Variants in PPP3CA observed in about 807,000 individuals in gnomAD.
PPP3CA encodes protein phosphatase 3 catalytic subunit alpha, also known as CAM-PRP catalytic subunit.
Under a neutral mutation model 66.5 loss-of-function variants are expected in PPP3CA, and 14 were observed. The observed-to-expected ratio is 0.21, with a 90% CI of 0.14 to 0.33. PPP3CA has a LOEUF of 0.33. Ranked by LOEUF, PPP3CA falls within the 10% of genes least tolerant of loss-of-function variation. The pLI, the probability that PPP3CA is intolerant of heterozygous loss-of-function variation, is 1.00. For synonymous variants in PPP3CA, 232 were observed against 226.2 expected (o/e 1.03, Z -0.23); for missense variants, 317 against 639.5 (o/e 0.50, Z 5.44).
At chr4:101,059,348 C>T (rs1728360886) in intron 10 of PPP3CA, among the ~76,000 whole-genome samples, 1 of 152,032 alleles carries the variant, frequency 6.6e-6, no homozygotes, top group Non-Finnish European at 1.5e-5. Context: ...CCATTTTCCC[C>T]TTTCCTTCCC....
intron 1 of PPP3CA, among the ~76,000 whole-genome samples, chr4:101,342,293 T>C (rs1283258631): frequency 6.6e-6 from 1 of 152,186 alleles, no homozygotes; most frequent in Admixed American, 6.5e-5. Context: ...AAAATGTTGA[T>C]TATTCTAATT....
At chr4:101,162,304 G>A (rs889866235) in intron 2 of PPP3CA, among the ~76,000 whole-genome samples, 6 of 151,488 alleles carry the variant, frequency 4.0e-5, no homozygotes, top group Non-Finnish European at 5.9e-5. Flanking sequence ...AGGCTGAGGC[G>A]GGTGGATCAC....
chr4:101,147,301 T>C (rs1723001217), intron 2 of PPP3CA, among the ~76,000 whole-genome samples: 1 of 152,204 alleles, frequency 6.6e-6, no homozygotes, highest in African/African-American at 2.4e-5. Context: ...TTAATTTCCT[T>C]TATACTTTTT....
intron 2 of PPP3CA, among the ~76,000 whole-genome samples, chr4:101,178,354 A>G (rs1255203294): frequency 6.6e-6 from 1 of 152,182 alleles, no homozygotes; most frequent in African/African-American, 2.4e-5. Flanking sequence ...CATGATGAAT[A>G]CTTAACAGTT....
intron 2 of PPP3CA, among the ~76,000 whole-genome samples, chr4:101,139,620 C>T (rs1213133234): frequency 6.7e-6 from 1 of 149,576 alleles, no homozygotes; most frequent in Admixed American, 6.7e-5. Flanking sequence ...AAAGAGTGAA[C>T]ATGAACAGAG....
chr4:101,114,248 T>C (rs17030767), intron 2 of PPP3CA, among the ~76,000 whole-genome samples: 13,793 of 152,154 alleles, frequency 0.091, 1,188 homozygotes, highest in East Asian at 0.32. Flanking sequence ...TATATACTTA[T>C]GTCAGAAATT....
chr4:101,088,282 T>A (rs1729759910), intron 6 of PPP3CA, among the ~76,000 whole-genome samples: 1 of 152,152 alleles, frequency 6.6e-6, no homozygotes, highest in Non-Finnish European at 1.5e-5. Flanking sequence ...GGACTCAGCA[T>A]CTATAAAACT....
chr4:101,324,137 A>G (rs1028561488), intron 1 of PPP3CA, among the ~76,000 whole-genome samples: 1 of 128,456 alleles, frequency 7.8e-6, no homozygotes, highest in African/African-American at 3.6e-5. Context: ...GAAGGGAAGG[A>G]AGGGAAGGAA....
chr4:101,298,666 T>C (rs1435654006), intron 1 of PPP3CA, among the ~76,000 whole-genome samples: 1 of 152,214 alleles, frequency 6.6e-6, no homozygotes, highest in African/African-American at 2.4e-5. Context: ...GAATATGGTA[T>C]ATATAATACA....
intron 2 of PPP3CA, among the ~76,000 whole-genome samples, chr4:101,154,674 C>T (rs1158517892): frequency 1.3e-5 from 2 of 152,088 alleles, no homozygotes; most frequent in African/African-American, 4.8e-5. Flanking sequence ...AGTTTCTTCA[C>T]CTCAATAACA....
At chr4:101,119,901 T>A (rs1721971536) in intron 2 of PPP3CA, among the ~76,000 whole-genome samples, 1 of 152,078 alleles carries the variant, frequency 6.6e-6, no homozygotes, top group African/African-American at 2.4e-5. Context: ...AGACTGATTA[T>A]CCACTATCAC....
Position 101,106,460 on chromosome 4 carries a change from GAAAAGAAAAGAAAAGAAAAGAAA to G in PPP3CA, c.384+2471_384+2493del, listed in dbSNP as rs1560605236. On this transcript the variant is annotated intron_variant, in intron 3 of 13. Coordinates refer to ENST00000394854, the MANE Select transcript of PPP3CA (RefSeq NM_000944.5). ...AAGAAAGAAAGAAAGAAAGAGAAAA[GAAAAGAAAAGAAAAGAAAAGAAA>G]AGAAAAGAAAAGAAAAGAAAGAAAG... 1.7e-3 allele frequency among the ~76,000 whole-genome samples: 41 copies of G among 23,484 alleles called. 4 individuals are homozygous for G. The South Asian group carries it at 0.018, about 11-fold the overall frequency. The allele number at this position is 23,484 out of a possible 152,430, so 15.4% of individuals were successfully genotyped here.
rs940332146 is a variant in PPP3CA, at chr4:101,285,614, T to C, written c.58+61125A>G. Among the ~76,000 whole-genome samples, 298 of 139,542 alleles carry C rather than the reference T, an allele frequency of 2.1e-3. 2 individuals are homozygous for C. Among genetic ancestry groups the C allele is most frequent in the African/African-American group, 8.4e-3 (283 of 33,832 alleles). The allele number at this position is 139,542 out of a possible 152,430, so 91.5% of individuals were successfully genotyped here. A position where few individuals can be genotyped will look rare whatever the true frequency, so the allele number is the denominator to read the frequency against. The stretch of plus-strand genomic sequence containing the variant: ...CACTGTGTGTATGTGTGTGTGTGTG[T>C]GTGTGTGTGTGTGTGTGTGTGTGTG... On this transcript the variant is annotated intron_variant, in intron 1 of 13. Coordinates refer to ENST00000394854, the MANE Select transcript of PPP3CA (RefSeq NM_000944.5).
chr4:101,292,538 C>A (rs747276557), intron 1 of PPP3CA, among the ~76,000 whole-genome samples: 6 of 152,112 alleles, frequency 3.9e-5, no homozygotes, highest in Non-Finnish European at 8.8e-5. Flanking sequence ...CTCTTAGGAT[C>A]CAAGGAAATA....
chr4:101,210,140 C>T (rs1725256321), intron 1 of PPP3CA, among the ~76,000 whole-genome samples: 1 of 152,104 alleles, frequency 6.6e-6, no homozygotes, highest in South Asian at 2.1e-4. Flanking sequence ...CTCACCATTA[C>T]CATAGTAACC....
chr4:101,143,323 C>A (rs1396273237), intron 2 of PPP3CA, among the ~76,000 whole-genome samples: 1 of 152,182 alleles, frequency 6.6e-6, no homozygotes, highest in East Asian at 1.9e-4. Flanking sequence ...TTTCTAACTT[C>A]TTTTCAAATG....
intron 7 of PPP3CA, among the ~76,000 whole-genome samples, chr4:101,081,493 T>G (rs1302692148): frequency 6.6e-6 from 1 of 152,226 alleles, no homozygotes; most frequent in Non-Finnish European, 1.5e-5. Flanking sequence ...TACAGGTGAC[T>G]GTGTCTCTTT....
chr4:101,208,221 TGAA>T (rs1250753106), intron 1 of PPP3CA, among the ~76,000 whole-genome samples: 1 of 151,392 alleles, frequency 6.6e-6, no homozygotes, highest in African/African-American at 2.4e-5. Context: ...ATATGTTAAG[TGAA>T]AAGTAATCAC....
chr4:101,056,836 CA>C (rs572758644), intron 10 of PPP3CA, among the ~76,000 whole-genome samples: 10,776 of 79,676 alleles, frequency 0.14, 404 homozygotes, highest in African/African-American at 0.2. Context: ...ATAATGTTAC[CA>C]AAAAAAAAAA....
Sources: allele counts gnomAD v4.1 joint callset (sites outside exome capture counted in the v4.1 genomes callset), GRCh38; gene constraint gnomAD v4.1.1; transcripts MANE v1.5; gene names NCBI Gene and HGNC (gene_info 2026-07-23, HGNC 2026-07-21).